Variants in FSD1L observed in about 807,000 individuals in gnomAD.
FSD1L encodes the protein FSD1-like protein.
A neutral mutation model predicts 71.6 loss-of-function variants in FSD1L; 45 were observed. The observed-to-expected ratio is 0.63, with a 90% confidence interval of 0.49 to 0.81. The LOEUF is 0.81. Among genes scored for constraint, FSD1L ranks in the 30% least tolerant of loss-of-function variants. The pLI is 0.00. For missense variants in FSD1L, 561 were observed against 618.1 expected (o/e 0.91, Z 0.98); for synonymous variants, 197 against 207.2 (o/e 0.95, Z 0.42).
intron 7 of FSD1L, among the ~76,000 whole-genome samples, chr9:105,493,568 G>A (rs1204848278): frequency 9.2e-5 from 14 of 152,242 alleles, no homozygotes; most frequent in East Asian, 1.9e-4. Flanking sequence ...GATTTTGCTC[G>A]TTAGTTGATG....
chr9:105,472,151 T>G, intron 5 of FSD1L, 146 bp downstream of exon 5: 1 of 968,022 alleles, frequency 1.0e-6, no homozygotes, highest in Non-Finnish European at 1.4e-6. Flanking sequence ...ATGCTGGCTG[T>G]TCATTTATTC....
intron 12 of FSD1L, among the ~76,000 whole-genome samples, chr9:105,535,606 C>T (rs899378033): frequency 1.3e-5 from 2 of 152,068 alleles, no homozygotes; most frequent in African/African-American, 2.4e-5. Flanking sequence ...TAATTCCTTC[C>T]TTACCATGTT....
intron 12 of FSD1L, 65 bp from the exon 13 acceptor site, chr9:105,539,198 T>C (rs1286441126): frequency 1.3e-6 from 1 of 749,272 alleles, no homozygotes; most frequent in Non-Finnish European, 2.1e-6. Context: ...TGATTATGCG[T>C]TAGAATTAAT....
chr9:105,481,377 C>T (rs536338194), intron 6 of FSD1L, among the ~76,000 whole-genome samples: 15 of 150,854 alleles, frequency 9.9e-5, no homozygotes, highest in South Asian at 4.2e-4. Flanking sequence ...CTCTGCCTCC[C>T]GGGTTCAAGC....
intron 10 of FSD1L, chr9:105,524,591 A>G (rs1403465892): frequency 3.1e-6 from 5 of 1,613,760 alleles, no homozygotes; most frequent in Non-Finnish European, 3.4e-6. Flanking sequence ...TTAGCAATCC[A>G]AGGTATTTTC....
intron 7 of FSD1L, among the ~76,000 whole-genome samples, chr9:105,492,630 G>A (rs1833032363): frequency 6.6e-6 from 1 of 151,918 alleles, no homozygotes; most frequent in Non-Finnish European, 1.5e-5. Flanking sequence ...TTCTCTTGTG[G>A]GCATTTAGTG....
chr9:105,509,274 C>T (rs1243186899), intron 9 of FSD1L, among the ~76,000 whole-genome samples: 5 of 152,080 alleles, frequency 3.3e-5, no homozygotes, highest in Non-Finnish European at 5.9e-5. Context: ...TCCCATGATC[C>T]CTAGACCTAG....
intron 1 of FSD1L, among the ~76,000 whole-genome samples, chr9:105,454,734 G>A (rs188536247): frequency 1.8e-4 from 28 of 152,246 alleles, no homozygotes; most frequent in African/African-American, 5.3e-4. Context: ...AATCCTAGAT[G>A]GGAGATTACC....
chr9:105,488,550 T>C (rs1446227285), intron 7 of FSD1L, among the ~76,000 whole-genome samples: 1 of 152,166 alleles, frequency 6.6e-6, no homozygotes, highest in African/African-American at 2.4e-5. Flanking sequence ...GATTACTGAA[T>C]AGTATGGTAA....
chr9:105,525,510 A>G, intron 10 of FSD1L: 3 of 1,609,188 alleles, frequency 1.9e-6, no homozygotes, highest in South Asian at 2.2e-5. Context: ...ATGAACCAAT[A>G]CCTCAAAAAC....
At chr9:105,463,427 A>G (rs554023585) in intron 2 of FSD1L, among the ~76,000 whole-genome samples, 3 of 152,214 alleles carry the variant, frequency 2.0e-5, no homozygotes, top group African/African-American at 7.2e-5. Flanking sequence ...AGTTACTGCA[A>G]CTAGACTTGT....
chr9:105,454,099 A>G (rs959544135), intron 1 of FSD1L, among the ~76,000 whole-genome samples: 1 of 152,232 alleles, frequency 6.6e-6, no homozygotes, highest in Non-Finnish European at 1.5e-5. Context: ...GAATATAAAT[A>G]AAGTGAAAAT....
intron 10 of FSD1L, among the ~76,000 whole-genome samples, chr9:105,531,736 T>TAG (rs59803965): frequency 0.56 from 84,813 of 151,736 alleles, 23,962 homozygotes; most frequent in East Asian, 0.71. Context: ...TCATTTTTTC[T>TAG]GGGAGAATGT....
At position 105,484,453 on chromosome 9, in the gene FSD1L, G is replaced by T; in HGVS notation, c.537G>T (p.Val179=). ...KVSDNMTHLM[V]DFSQERQMLQ... is the part of the protein sequence containing the mutation. ...GTGACAACATGACTCATTTAATGGTGGATTTCTCACAGGAAAGACAGATGC... is the reference window on the plus strand; with the variant it reads ...GTGACAACATGACTCATTTAATGGTTGATTTCTCACAGGAAAGACAGATGC... Residue 179 remains valine (V), a synonymous_variant, in exon 7 of 14, where the codon GTG becomes GTT. Coordinates refer to ENST00000481272, the MANE Select transcript of FSD1L (RefSeq NM_001145313.3). 6.5e-7 allele frequency: 1 copy of T among 1,530,968 alleles called. No homozygotes were observed. The highest frequency in any genetic ancestry group is 2.5e-5 in the East Asian group (1 of 39,612). 94.8% of individuals were successfully genotyped at this position (1,530,968 alleles called of 1,614,324 possible).
intron 10 of FSD1L, chr9:105,521,157 C>T (rs978893158): frequency 5.6e-6 from 9 of 1,613,910 alleles, no homozygotes; most frequent in Middle Eastern, 1.7e-4. Context: ...CATTAAGGCT[C>T]GTGTTATTGT....
At chr9:105,509,006 A>G (rs542441000) in intron 9 of FSD1L, among the ~76,000 whole-genome samples, 1 of 152,358 alleles carries the variant, frequency 6.6e-6, no homozygotes, top group Non-Finnish European at 1.5e-5. Context: ...ATAGGTAAGT[A>G]TCACTGAGAT....
rs1257424686 is a variant in FSD1L at position 105,549,357 on chromosome 9, C to G, written c.*2874C>G. The stretch of plus-strand genomic sequence containing the variant: ...TTTTTTTACAATTCATTTTGACTCT[C>G]ATGGCTGACCATGTCATTATGTCTT... On this transcript the variant is annotated 3_prime_UTR_variant, in exon 14 of 14. Coordinates refer to ENST00000481272, the MANE Select transcript of FSD1L (RefSeq NM_001145313.3). The G allele has an allele frequency of 1.3e-5, 2 of 152,076 alleles. No homozygotes were observed. The highest frequency in any genetic ancestry group is 2.9e-5 in the Non-Finnish European group (2 of 67,936). The allele number at this position is 152,076 out of a possible 1,614,324, so 9.4% of individuals were successfully genotyped here. A position where few individuals can be genotyped will look rare whatever the true frequency, so the allele number is the denominator to read the frequency against.
In FSD1L at chr9:105,448,163, A is replaced by T. The variant is rs572746994; in HGVS notation, c.-58A>T. The T allele has an allele frequency of 6.5e-7, 1 of 1,526,918 alleles. No individual in the cohort carries two copies. Among genetic ancestry groups the T allele is most frequent in the South Asian group, 1.2e-5 (1 of 83,530 alleles). The allele number at this position is 1,526,918 out of a possible 1,614,324, so 94.6% of individuals were successfully genotyped here. A position where few individuals can be genotyped will look rare whatever the true frequency, so the allele number is the denominator to read the frequency against. ...GGTCTTGGGGTGTGCGATCTCGCTG[A>T]GCCTCCTCACACGGTTCGTCGTCTC... On this transcript the variant is annotated 5_prime_UTR_variant, in exon 1 of 14. Coordinates refer to ENST00000481272, the MANE Select transcript of FSD1L (RefSeq NM_001145313.3).
At chr9:105,510,615 G>A (rs962724231) in intron 9 of FSD1L, among the ~76,000 whole-genome samples, 4 of 152,136 alleles carry the variant, frequency 2.6e-5, no homozygotes, top group African/African-American at 9.7e-5. Context: ...ATGGAAAATA[G>A]TGAACATTGT....
Sources: gnomAD v4.1 joint callset for allele counts (sites outside exome capture counted in the v4.1 genomes callset) on GRCh38, gnomAD v4.1.1 for gene constraint, MANE v1.5 for transcripts, NCBI Gene and HGNC (gene_info 2026-07-23, HGNC 2026-07-21) for gene names.